The following CDH13 variants were observed in gnomAD, a reference collection of about 807,000 sequenced individuals.
CDH13 encodes cadherin-13.
In CDH13, 24 loss-of-function variants were observed where a neutral mutation model predicts 63.8. That is an observed-to-expected ratio of 0.38 (90% CI 0.27 to 0.53). The LOEUF (loss-of-function observed/expected upper bound fraction) is 0.53, where lower values mean the gene tolerates loss of function less well. CDH13 is among the 20% of genes least tolerant of loss of function. CDH13 has a pLI of 0.85. For synonymous variants in CDH13, 503 were observed against 355.3 expected (o/e 1.42, Z -4.67); for missense variants, 1,049 against 903.1 (o/e 1.16, Z -2.07).
chr16:83,785,125 T>G (rs1230687962), intron 13 of CDH13, among the ~76,000 whole-genome samples: 1 of 152,182 alleles, frequency 6.6e-6, no homozygotes, highest in Admixed American at 6.5e-5. Flanking sequence ...GGCTAAACGT[T>G]GAGCAGGGGT....
intron 3 of CDH13, among the ~76,000 whole-genome samples, chr16:83,037,817 A>G (rs766938535): frequency 2.0e-5 from 3 of 152,290 alleles, no homozygotes; most frequent in South Asian, 2.1e-4. Flanking sequence ...AAGTGACTCA[A>G]TTATCTGAAT....
At chr16:83,510,270 G>A (rs182720551) in intron 7 of CDH13, among the ~76,000 whole-genome samples, 78 of 152,084 alleles carry the variant, frequency 5.1e-4, no homozygotes, top group Admixed American at 4.9e-3. Flanking sequence ...TTTGCTCTCC[G>A]AGATGGAGAG....
chr16:82,714,603 A>G (rs1291799545), intron 1 of CDH13, among the ~76,000 whole-genome samples: 10 of 148,800 alleles, frequency 6.7e-5, no homozygotes, highest in African/African-American at 2.5e-4. Flanking sequence ...AGTTTCAGCT[A>G]CTCAGGAGCC....
intron 7 of CDH13, among the ~76,000 whole-genome samples, chr16:83,599,326 G>C (rs1347741686): frequency 1.3e-5 from 2 of 152,180 alleles, no homozygotes; most frequent in Non-Finnish European, 2.9e-5. Context: ...CGCAATGTCA[G>C]GAGCTGTCCT....
intron 3 of CDH13, among the ~76,000 whole-genome samples, chr16:83,059,147 G>C (rs59066399): frequency 0.011 from 1,633 of 152,232 alleles, 34 homozygotes; most frequent in African/African-American, 0.038. Context: ...CATTTCTGAG[G>C]TTGCTTCTGT....
chr16:83,535,914 G>A (rs1164250433), intron 7 of CDH13, among the ~76,000 whole-genome samples: 2 of 142,174 alleles, frequency 1.4e-5, no homozygotes, highest in Admixed American at 7.4e-5. Context: ...AGGAAAAAAA[G>A]GAAAGAAGGA....
chr16:82,976,301 C>T (rs866728073), intron 2 of CDH13, among the ~76,000 whole-genome samples: 1 of 152,082 alleles, frequency 6.6e-6, no homozygotes, highest in African/African-American at 2.4e-5. Context: ...CTTTGACGTG[C>T]CCAGGTGGGG....
chr16:83,785,450 C>T (rs1915816655), intron 13 of CDH13, among the ~76,000 whole-genome samples: 2 of 152,238 alleles, frequency 1.3e-5, no homozygotes, highest in African/African-American at 4.8e-5. Flanking sequence ...GTAGTACCAT[C>T]ACCTTGGGGA....
At chr16:83,514,575 G>A (rs1177342668) in intron 7 of CDH13, among the ~76,000 whole-genome samples, 2 of 152,186 alleles carry the variant, frequency 1.3e-5, no homozygotes, top group Non-Finnish European at 2.9e-5. Flanking sequence ...AACCTGGGAG[G>A]TGGAGGTTGC....
At chr16:82,856,790 G>C (rs1036766005) in intron 1 of CDH13, among the ~76,000 whole-genome samples, 12 of 150,796 alleles carry the variant, frequency 8.0e-5, no homozygotes, top group African/African-American at 2.9e-4. Flanking sequence ...TCAGGGAAGA[G>C]AAGGCAGGTA....
At chr16:83,258,613 C>T (rs1347027871) in intron 5 of CDH13, among the ~76,000 whole-genome samples, 2 of 152,092 alleles carry the variant, frequency 1.3e-5, no homozygotes, top group African/African-American at 2.4e-5. Context: ...TCAGAGGTGG[C>T]CAACACATAG....
intron 1 of CDH13, among the ~76,000 whole-genome samples, chr16:82,815,144 G>A (rs2037643594): frequency 6.6e-6 from 1 of 152,206 alleles, no homozygotes; most frequent in African/African-American, 2.4e-5. Flanking sequence ...GCACAGTAGG[G>A]TACTTAGAAA....
intron 1 of CDH13, among the ~76,000 whole-genome samples, chr16:82,722,479 G>T (rs969371657): frequency 3.3e-5 from 5 of 152,120 alleles, no homozygotes; most frequent in Non-Finnish European, 7.4e-5. Context: ...TGCCCAGTTT[G>T]GGTCCCATGA....
intron 8 of CDH13, among the ~76,000 whole-genome samples, chr16:83,622,755 A>G (rs1400976776): frequency 6.6e-6 from 1 of 152,192 alleles, no homozygotes; most frequent in African/African-American, 2.4e-5. Context: ...CATTAGTGAG[A>G]TAATGTGCTT....
At chr16:82,878,943 C>G (rs951825353) in intron 2 of CDH13, among the ~76,000 whole-genome samples, 3 of 152,088 alleles carry the variant, frequency 2.0e-5, no homozygotes, top group Non-Finnish European at 4.4e-5. Flanking sequence ...TCTGAGGTGA[C>G]AGGGGCTTCT....
intron 1 of CDH13, among the ~76,000 whole-genome samples, chr16:82,812,604 A>G (rs906081980): frequency 6.6e-6 from 1 of 152,098 alleles, no homozygotes; most frequent in Non-Finnish European, 1.5e-5. Context: ...ATCTAGTGAC[A>G]CGGAGGGTGT....
chr16:83,453,323 G>C (rs1053379643), intron 6 of CDH13, among the ~76,000 whole-genome samples: 72 of 151,902 alleles, frequency 4.7e-4, no homozygotes, highest in African/African-American at 1.7e-3. Flanking sequence ...TAAAGAACTT[G>C]CTCAGGTAAC....
At chr16:83,435,115 C>T (rs142000529) in intron 6 of CDH13, among the ~76,000 whole-genome samples, 4 of 151,746 alleles carry the variant, frequency 2.6e-5, no homozygotes, top group East Asian at 1.9e-4. Context: ...GGCACAATCT[C>T]GGCTTACTGC....
intron 6 of CDH13, among the ~76,000 whole-genome samples, chr16:83,445,997 G>A (rs889461294): frequency 6.6e-6 from 1 of 152,036 alleles, no homozygotes; most frequent in African/African-American, 2.4e-5. Flanking sequence ...TTTTTATTGG[G>A]TATAGAAAAA....
Sources: gnomAD v4.1 joint callset for allele counts (sites outside exome capture counted in the v4.1 genomes callset) on GRCh38, gnomAD v4.1.1 for gene constraint, MANE v1.5 for transcripts, NCBI Gene and HGNC (gene_info 2026-07-23, HGNC 2026-07-21) for gene names.